Variants in DAB1 observed in about 807,000 individuals in gnomAD.
The protein encoded by DAB1 is disabled homolog 1.
Under a neutral mutation model 64.6 loss-of-function variants are expected in DAB1, and 15 were observed. The ratio of observed to expected loss-of-function variants is 0.23; its 90% confidence interval spans 0.16 to 0.36. The LOEUF (loss-of-function observed/expected upper bound fraction) is 0.36, where lower values mean the gene tolerates loss of function less well. Ranked by LOEUF, DAB1 falls within the 10% of genes least tolerant of loss-of-function variation. The pLI is 1.00. For synonymous variants in DAB1, 235 were observed against 251.9 expected, an observed-to-expected ratio of 0.93 and a Z score of 0.64; for missense variants, 596 against 706.7, an observed-to-expected ratio of 0.84 and a Z score of 1.78.
At chr1:57,556,210 T>G (rs947237) in intron 7 of DAB1, among the ~76,000 whole-genome samples, 146,497 of 152,268 alleles carry the variant, frequency 0.96, 70,701 homozygotes, top group East Asian at 1. Context: ...CCATGATTTT[T>G]CAATTGTGAA....
At chr1:58,546,202 C>T (rs1174925701) in intron 1 of DAB1, among the ~76,000 whole-genome samples, 2 of 152,236 alleles carry the variant, frequency 1.3e-5, no homozygotes, top group South Asian at 2.1e-4. Flanking sequence ...CGAGTTTAGG[C>T]TGGAAAACGT....
intron 2 of DAB1, among the ~76,000 whole-genome samples, chr1:57,255,621 T>C (rs1039768832): frequency 6.6e-6 from 1 of 152,156 alleles, no homozygotes; most frequent in Non-Finnish European, 1.5e-5. Flanking sequence ...ATCACACCAC[T>C]GCACTCCAGC....
intron 1 of DAB1, among the ~76,000 whole-genome samples, chr1:57,408,892 C>T (rs1454579171): frequency 6.6e-6 from 1 of 152,180 alleles, no homozygotes; most frequent in Non-Finnish European, 1.5e-5. Context: ...TCTTAGGCGC[C>T]CTTGTCAGCT....
At chr1:57,464,399 C>T (rs1686887236) in intron 7 of DAB1, among the ~76,000 whole-genome samples, 1 of 152,142 alleles carries the variant, frequency 6.6e-6, no homozygotes, top group African/African-American at 2.4e-5. Flanking sequence ...ATCGCTTTCT[C>T]AAAATAGCTG....
At chr1:58,491,851 A>G (rs559733994) in intron 3 of DAB1, among the ~76,000 whole-genome samples, 48 of 152,356 alleles carry the variant, frequency 3.2e-4, no homozygotes, top group African/African-American at 1.1e-3. Context: ...CATTAGACAG[A>G]TCAATGAGAC....
chr1:57,982,601 C>G (rs1265170492), intron 5 of DAB1, among the ~76,000 whole-genome samples: 2 of 152,128 alleles, frequency 1.3e-5, no homozygotes, highest in African/African-American at 4.8e-5. Context: ...ATTGTGGTTT[C>G]AGTATCTTTA....
intron 5 of DAB1, among the ~76,000 whole-genome samples, chr1:57,991,724 T>A (rs1646342107): frequency 6.6e-6 from 1 of 151,080 alleles, no homozygotes; most frequent in Admixed American, 6.6e-5. Context: ...CAGGCACCTG[T>A]AATACCAGCT....
intron 6 of DAB1, among the ~76,000 whole-genome samples, chr1:57,714,593 C>T (rs1647063784): frequency 6.6e-6 from 1 of 152,134 alleles, no homozygotes; most frequent in East Asian, 1.9e-4. Flanking sequence ...TGAAATGGAA[C>T]ACCATATTTG....
At chr1:57,564,962 C>T (rs555911538) in intron 7 of DAB1, among the ~76,000 whole-genome samples, 3 of 152,178 alleles carry the variant, frequency 2.0e-5, no homozygotes, top group Admixed American at 6.5e-5. Context: ...AACTCCAAGA[C>T]ACATAATTGT....
intron 5 of DAB1, among the ~76,000 whole-genome samples, chr1:57,934,510 C>G (rs1050446524): frequency 6.6e-6 from 1 of 152,136 alleles, no homozygotes; most frequent in African/African-American, 2.4e-5. Context: ...CTTCCAAGCA[C>G]TTTACATGTG....
At chr1:57,046,253 A>G (rs1218916787) in intron 9 of DAB1, among the ~76,000 whole-genome samples, 1 of 152,240 alleles carries the variant, frequency 6.6e-6, no homozygotes, top group African/African-American at 2.4e-5. Flanking sequence ...TGAAGTAGAT[A>G]CAGCTTGCCA....
At chr1:57,139,617 G>A (rs1266259183) in intron 3 of DAB1, among the ~76,000 whole-genome samples, 1 of 152,064 alleles carries the variant, frequency 6.6e-6, no homozygotes, top group African/African-American at 2.4e-5. Flanking sequence ...TGGGGATAGG[G>A]CTACACCTTT....
At chr1:58,352,577 C>T (rs1044156820) in intron 3 of DAB1, among the ~76,000 whole-genome samples, 16 of 152,244 alleles carry the variant, frequency 1.1e-4, no homozygotes, top group African/African-American at 3.9e-4. Context: ...CTCTTTCCAC[C>T]TCAGTCCAGC....
chr1:58,509,170 G>C (rs1211369650), intron 2 of DAB1, among the ~76,000 whole-genome samples: 1 of 152,024 alleles, frequency 6.6e-6, no homozygotes, highest in Non-Finnish European at 1.5e-5. Context: ...AAAATAAACA[G>C]AGAAATATGT....
intron 7 of DAB1, among the ~76,000 whole-genome samples, chr1:57,632,373 T>C (rs1015524647): frequency 3.9e-5 from 6 of 152,194 alleles, no homozygotes; most frequent in African/African-American, 1.4e-4. Flanking sequence ...TTATCATGAG[T>C]GGACTTCCAG....
chr1:57,585,932 A>G (rs991824991), intron 7 of DAB1, among the ~76,000 whole-genome samples: 6 of 152,184 alleles, frequency 3.9e-5, no homozygotes, highest in Non-Finnish European at 8.8e-5. Context: ...TGGAGCCTTG[A>G]GCAAGTTACT....
chr1:58,400,970 T>C (rs1005852834), intron 3 of DAB1, among the ~76,000 whole-genome samples: 2 of 152,162 alleles, frequency 1.3e-5, no homozygotes, highest in African/African-American at 2.4e-5. Context: ...TGTGGTCTAA[T>C]GGAAAGAGCA....
At chr1:57,939,146 G>T (rs1645067128) in intron 5 of DAB1, among the ~76,000 whole-genome samples, 1 of 152,064 alleles carries the variant, frequency 6.6e-6, no homozygotes, top group Non-Finnish European at 1.5e-5. Context: ...CCTCTATCTG[G>T]TTCACAGATG....
intron 5 of DAB1, among the ~76,000 whole-genome samples, chr1:57,964,966 T>TA: frequency 6.6e-6 from 1 of 150,462 alleles, no homozygotes; most frequent in South Asian, 2.1e-4. Context: ...CTGCAGGAAC[T>TA]AAAAAAAGTG....
Sources: gnomAD v4.1 joint callset for allele counts (sites outside exome capture counted in the v4.1 genomes callset) on GRCh38, gnomAD v4.1.1 for gene constraint, MANE v1.5 for transcripts, NCBI Gene and HGNC (gene_info 2026-07-23, HGNC 2026-07-21) for gene names.